The following SINHCAF variants were observed in gnomAD, a reference collection of about 807,000 sequenced individuals.
SINHCAF encodes the protein SIN3-HDAC complex associated factor.
A neutral mutation model predicts 25.8 loss-of-function variants in SINHCAF; 3 were observed. That is an observed-to-expected ratio of 0.12 (90% CI 0.05 to 0.30). The LOEUF (loss-of-function observed/expected upper bound fraction) is 0.30. SINHCAF is among the 10% of genes least tolerant of loss of function. The pLI, the probability that SINHCAF is intolerant of heterozygous loss-of-function variation, is 1.00. For missense variants in SINHCAF, 121 were observed against 262.3 expected (o/e 0.46, Z 3.72); for synonymous variants, 70 against 85.5 (o/e 0.82, Z 1.00).
chr12:31,321,992 GA>G (rs199859013), intron 1 of SINHCAF, among the ~76,000 whole-genome samples: 2,122 of 141,890 alleles, frequency 0.015, 27 homozygotes, highest in East Asian at 0.048. Flanking sequence ...CACTCTGGGG[GA>G]AAAAAAAAAA....
At chr12:31,294,100 C>A (rs1332613265) in intron 3 of SINHCAF, among the ~76,000 whole-genome samples, 169 bp from the exon 4 acceptor site, 1 of 152,094 alleles carries the variant, frequency 6.6e-6, no homozygotes, top group Non-Finnish European at 1.5e-5. Context: ...TAATATTTAT[C>A]TACTGGGGTT....
chr12:31,304,119 C>CAAAAAAAAAAAAAAA (rs761861557), intron 1 of SINHCAF: 1 of 125,996 alleles, frequency 7.9e-6, no homozygotes. Context: ...GACTCTCCCT[C>CAAAAAAAAAAAAAAA]AAAAAAAAAA....
At position 31,324,789 on chromosome 12, in the gene SINHCAF, C is replaced by A. The variant is rs573366242; in HGVS notation, c.-21+1235G>T. The stretch of plus-strand genomic sequence containing the variant: ...CCCCGAAGAGTCCGGAGCCTGGCCC[C>A]CCGACCCTCCCCTCGGGAGCAGGCC... On this transcript the variant is annotated intron_variant, in intron 1 of 5. Transcript: ENST00000337682. This position sits in a 1 kb window ranked among gnomAD's most constrained non-coding sequence, Gnocchi z 5.5. The A allele has an allele frequency of 2.8e-6, 1 of 361,022 alleles. No individual in the cohort carries two copies. The allele number at this position is 361,022 out of a possible 1,614,324, so 22.4% of individuals were successfully genotyped here. A position where few individuals can be genotyped will look rare whatever the true frequency, so the allele number is the denominator to read the frequency against.
intron 1 of SINHCAF, among the ~76,000 whole-genome samples, chr12:31,315,302 G>C (rs947976007): frequency 8.5e-5 from 13 of 152,190 alleles, no homozygotes; most frequent in African/African-American, 3.1e-4. Flanking sequence ...TCTGGTGGAA[G>C]GATGATTGAT....
chr12:31,290,870 C>A (rs995723578), intron 4 of SINHCAF, among the ~76,000 whole-genome samples: 1 of 152,158 alleles, frequency 6.6e-6, no homozygotes, highest in East Asian at 1.9e-4. Flanking sequence ...CAGGCATGCA[C>A]CACCACGCCC....
chr12:31,292,084 A>G (rs79505725), intron 4 of SINHCAF, among the ~76,000 whole-genome samples: 3,084 of 152,354 alleles, frequency 0.02, 67 homozygotes, highest in African/African-American at 0.053. Flanking sequence ...CTTAAGTAAG[A>G]CAAAAGTGAG....
In SINHCAF at chr12:31,280,677, T is replaced by C. The variant is rs1340392717; in HGVS notation, c.*2035A>G. 1 of 152,496 alleles carries C rather than the reference T, an allele frequency of 6.6e-6. No homozygotes were observed. Among genetic ancestry groups the C allele is most frequent in the Non-Finnish European group, 1.5e-5 (1 of 68,010 alleles). The allele number at this position is 152,496 out of a possible 1,614,324, so 9.4% of individuals were successfully genotyped here. On this transcript the variant is annotated 3_prime_UTR_variant, in exon 6 of 6. Transcript: ENST00000337682. ...GTATAAAAAGTACAAAACAGATCTGTAGATTTCTAATATATTAATACAAAG... is the reference window on the plus strand; with the variant it reads ...GTATAAAAAGTACAAAACAGATCTGCAGATTTCTAATATATTAATACAAAG...
intron 1 of SINHCAF, among the ~76,000 whole-genome samples, chr12:31,318,003 G>A (rs751782365): frequency 2.0e-5 from 3 of 152,188 alleles, no homozygotes; most frequent in Admixed American, 1.3e-4. Context: ...AAATACTCGC[G>A]ATCACAAACT....
chr12:31,318,417 A>C (rs953522840), intron 1 of SINHCAF, among the ~76,000 whole-genome samples: 1 of 152,218 alleles, frequency 6.6e-6, no homozygotes, highest in African/African-American at 2.4e-5. Context: ...CAGCCTCTTC[A>C]AACATGTGCC....
At chr12:31,303,439 T>G (rs1245441416) in intron 1 of SINHCAF, 1 of 154,270 alleles carries the variant, frequency 6.5e-6, no homozygotes, top group Non-Finnish European at 1.4e-5. Flanking sequence ...TACAGGATAA[T>G]TCTATCTACA....
At chr12:31,323,505 A>G (rs1197134606) in intron 1 of SINHCAF, among the ~76,000 whole-genome samples, 1 of 152,212 alleles carries the variant, frequency 6.6e-6, no homozygotes, top group Admixed American at 6.5e-5. Flanking sequence ...ACTGTCTCGG[A>G]TAGGGTCCCT....
chr12:31,302,645 A>T (rs1457163808), intron 1 of SINHCAF, among the ~76,000 whole-genome samples: 4 of 151,698 alleles, frequency 2.6e-5, no homozygotes, highest in Admixed American at 1.3e-4. Context: ...ATTTTTTTAA[A>T]CAGGGGGATA....
In SINHCAF at chr12:31,308,786, G is replaced by C. The variant is rs546704970; in HGVS notation, c.-20-10562C>G. Among the ~76,000 whole-genome samples the C allele has an allele frequency of 7.2e-5, 11 of 152,186 alleles. No homozygotes were observed. In the South Asian group the frequency reaches 2.1e-3, roughly 29 times the overall value. On this transcript the variant is annotated intron_variant, in intron 1 of 5. Transcript: ENST00000337682. ...AAGGCAAACAAATACTGACTACCTA[G>C]ATGTATAGGGATGCTTTAAAAAGGC... is the stretch of plus-strand genomic sequence containing the variant.
chr12:31,307,495 C>A (rs1939081940), intron 1 of SINHCAF, among the ~76,000 whole-genome samples: 1 of 152,056 alleles, frequency 6.6e-6, no homozygotes, highest in African/African-American at 2.4e-5. Flanking sequence ...GTCAAGGCAG[C>A]AGTGAGCTGT....
chr12:31,304,062 G>T (rs1458142248), intron 1 of SINHCAF: 1 of 147,324 alleles, frequency 6.8e-6, no homozygotes, highest in African/African-American at 2.5e-5. Flanking sequence ...CAAGGCTGTA[G>T]TGAGCCATGA....
intron 1 of SINHCAF, among the ~76,000 whole-genome samples, chr12:31,308,067 G>A (rs1939108336): frequency 6.6e-6 from 1 of 152,178 alleles, no homozygotes; most frequent in South Asian, 2.1e-4. Context: ...AGCCTCCCAT[G>A]TAACTGGGAC....
Position 31,288,216 on chromosome 12 carries a change from A to G in SINHCAF, c.356-432T>C, listed in dbSNP as rs1433958843. Among the ~76,000 whole-genome samples the G allele has an allele frequency of 2.6e-5, 4 of 152,174 alleles. No individual in the cohort carries two copies. The East Asian group carries it at 7.7e-4, about 29-fold the overall frequency. The stretch of plus-strand genomic sequence containing the variant: ...TGTACAGACAATCAAAACAACAACA[A>G]CAAAACAAAAATCCAAAACCCCAAT... On this transcript the variant is annotated intron_variant, in intron 4 of 5. Coordinates refer to ENST00000337682, the MANE Select transcript of SINHCAF (RefSeq NM_001135812.2).
intron 1 of SINHCAF, among the ~76,000 whole-genome samples, chr12:31,319,090 C>G (rs1441419393): frequency 6.6e-6 from 1 of 152,072 alleles, no homozygotes; most frequent in African/African-American, 2.4e-5. Context: ...ATGAAAAGCC[C>G]CATATACTCC....
At chr12:31,290,266 C>T (rs117210128) in intron 4 of SINHCAF, among the ~76,000 whole-genome samples, 2,975 of 152,158 alleles carry the variant, frequency 0.02, 45 homozygotes, top group Non-Finnish European at 0.03. Context: ...CTCAGCCTCT[C>T]GAGTAGCTAC....
Sources: allele counts gnomAD v4.1 joint callset (sites outside exome capture counted in the v4.1 genomes callset), GRCh38; gene constraint gnomAD v4.1.1; non-coding constraint Gnocchi (gnomAD v3.1); transcripts MANE v1.5; gene names NCBI Gene and HGNC (gene_info 2026-07-23, HGNC 2026-07-21).